The following GRIK4 variants were observed in gnomAD, a reference collection of about 807,000 sequenced individuals.
The protein encoded by GRIK4 is glutamate receptor ionotropic, kainate 4.
Under a neutral mutation model 104.9 loss-of-function variants are expected in GRIK4, and 40 were observed. The observed-to-expected ratio is 0.38, with a 90% confidence interval of 0.30 to 0.50. The LOEUF (loss-of-function observed/expected upper bound fraction) is 0.50. GRIK4 is among the 20% of genes least tolerant of loss of function. The pLI, the probability that GRIK4 is intolerant of heterozygous loss-of-function variation, is 0.93. For missense variants in GRIK4, 1,047 were observed against 1,308.1 expected (o/e 0.80, Z 3.08); for synonymous variants, 485 against 524.9 (o/e 0.92, Z 1.04).
intron 18 of GRIK4, among the ~76,000 whole-genome samples, chr11:120,966,606 A>G (rs1944388097): frequency 6.6e-6 from 1 of 152,182 alleles, no homozygotes; most frequent in African/African-American, 2.4e-5. Context: ...TTCTTGCCTC[A>G]AGTGATCCGC....
At chr11:120,927,154 AC>A (rs776166991) in intron 13 of GRIK4, among the ~76,000 whole-genome samples, 22 of 150,182 alleles carry the variant, frequency 1.5e-4, no homozygotes, top group Non-Finnish European at 2.5e-4. Context: ...CGTATCACCA[AC>A]GCCTGGTGGG....
Position 120,940,554 on chromosome 11 carries a change from T to C in GRIK4, c.1590+94T>C. ...GAATAATGAATGACTCATGGAAATA[T>C]TTAGATTTCAAGACTTAAATGCAAA... On this transcript the variant is annotated intron_variant, in intron 14 of 20. Transcript: ENST00000527524. The surrounding 1 kb of genome is among the most constrained non-coding windows in gnomAD (Gnocchi z 4.3). 1 of 749,352 alleles carries C rather than the reference T, an allele frequency of 1.3e-6. No individual in the cohort carries two copies. The highest frequency in any genetic ancestry group is 1.8e-5 in the South Asian group (1 of 55,336). The allele number at this position is 749,352 out of a possible 1,614,324, so 46.4% of individuals were successfully genotyped here.
chr11:120,525,252 A>G (rs918624795), intron 1 of GRIK4, among the ~76,000 whole-genome samples: 3 of 152,176 alleles, frequency 2.0e-5, no homozygotes, highest in African/African-American at 7.2e-5. Context: ...AAGTGAGGGC[A>G]TTGAGGTTCA....
intron 1 of GRIK4, among the ~76,000 whole-genome samples, chr11:120,517,010 C>T (rs1358749080): frequency 2.3e-5 from 3 of 129,832 alleles, no homozygotes; most frequent in Admixed American, 2.2e-4. Context: ...AGGCATCTCG[C>T]GTGCCTCAGT....
At chr11:120,751,385 A>T (rs1951548361) in intron 3 of GRIK4, among the ~76,000 whole-genome samples, 2 of 152,348 alleles carry the variant, frequency 1.3e-5, no homozygotes, top group East Asian at 1.9e-4. Flanking sequence ...CCCAATTTGC[A>T]TCTCATCTGG....
At chr11:120,841,185 AT>A (rs1953705188) in intron 8 of GRIK4, among the ~76,000 whole-genome samples, 1 of 152,120 alleles carries the variant, frequency 6.6e-6, no homozygotes, top group South Asian at 2.1e-4. Context: ...CCACATTGTT[AT>A]GCAACCACCA....
chr11:120,988,315 A>G lies in GRIK4; in HGVS notation c.*2055A>G, dbSNP rs1236778146. 6.6e-6 allele frequency: 1 copy of G among 152,216 alleles called. No individual in the cohort carries two copies. The highest frequency in any genetic ancestry group is 2.4e-5 in the African/African-American group (1 of 41,420). The allele number at this position is 152,216 out of a possible 1,614,324, so 9.4% of individuals were successfully genotyped here. A position where few individuals can be genotyped will look rare whatever the true frequency, so the allele number is the denominator to read the frequency against. ...GAAGGGCACCCGAAGGCCAGCTGACAACAAACCCCAATGGTGCCACTCTGC... is the reference window on the plus strand; with the variant it reads ...GAAGGGCACCCGAAGGCCAGCTGACGACAAACCCCAATGGTGCCACTCTGC... On this transcript the variant is annotated 3_prime_UTR_variant, in exon 21 of 21. Coordinates refer to ENST00000527524, the MANE Select transcript of GRIK4 (RefSeq NM_014619.5).
chr11:120,603,660 C>T (rs1948916782), intron 1 of GRIK4, among the ~76,000 whole-genome samples: 2 of 152,210 alleles, frequency 1.3e-5, no homozygotes, highest in African/African-American at 4.8e-5. Flanking sequence ...GGGCATAGGG[C>T]CCAGGGCTTG....
At position 120,967,231 on chromosome 11, in the gene GRIK4, T is replaced by C; in HGVS notation, c.2303T>C (p.Leu768Pro). Residue 768 changes from leucine to proline, a missense_variant, in exon 19 of 21, where the codon CTC (leucine) becomes CCC (proline). By Grantham distance (98) the Leu-to-Pro change is moderately conservative (BLOSUM62 -3). Transcript: ENST00000527524. The surrounding 1 kb of genome is among the most constrained non-coding windows in gnomAD (Gnocchi z 4.2). The part of the protein sequence containing the change: ...VFRDEFDLAI[L>P]QLQENNRLEI... ...CGGGACGAGTTTGATCTGGCCATTC[T>C]CCAGCTGCAGGAGAACAACCGCCTG... 6.2e-7 allele frequency: 1 copy of C among 1,613,774 alleles called. No homozygotes were observed. Among genetic ancestry groups the C allele is most frequent in the South Asian group, 1.1e-5 (1 of 91,028 alleles).
At chr11:120,787,141 G>T (rs1033571502) in intron 3 of GRIK4, among the ~76,000 whole-genome samples, 1 of 141,370 alleles carries the variant, frequency 7.1e-6, no homozygotes, top group African/African-American at 2.8e-5. Flanking sequence ...AACATAGTAG[G>T]ACTCTTTTTT....
rs114563001 is a variant in GRIK4, at chr11:120,596,168, G to A, written c.-158-57517G>A. On this transcript the variant is annotated intron_variant, in intron 1 of 20. Coordinates refer to ENST00000527524, the MANE Select transcript of GRIK4 (RefSeq NM_014619.5). Reference sequence around the variant, plus strand: ...ACCGGGATGGCTTTTTTAAGTCACCGTATCCCTAGCATGCAGCCTGTAGTA... The same window carrying A: ...ACCGGGATGGCTTTTTTAAGTCACCATATCCCTAGCATGCAGCCTGTAGTA... Among the ~76,000 whole-genome samples, 529 of 152,290 alleles carry A rather than the reference G, an allele frequency of 3.5e-3. 1 individual carries two copies. Among genetic ancestry groups the A allele is most frequent in the African/African-American group, 0.012 (487 of 41,562 alleles).
At chr11:120,618,331 A>T (rs1241499715) in intron 1 of GRIK4, among the ~76,000 whole-genome samples, 1 of 152,212 alleles carries the variant, frequency 6.6e-6, no homozygotes, top group African/African-American at 2.4e-5. Context: ...TCCTATGCTC[A>T]TATGTATGGG....
At chr11:120,799,348 A>G (rs535734928) in intron 3 of GRIK4, among the ~76,000 whole-genome samples, 17 of 152,118 alleles carry the variant, frequency 1.1e-4, no homozygotes, top group African/African-American at 4.1e-4. Context: ...GTTACCTGAG[A>G]GAGTTTTCAG....
intron 1 of GRIK4, among the ~76,000 whole-genome samples, chr11:120,642,063 T>A (rs1355764905): frequency 6.6e-6 from 1 of 152,188 alleles, no homozygotes; most frequent in Non-Finnish European, 1.5e-5. Context: ...CCACTTTGTA[T>A]TGGGATTTGA....
intron 3 of GRIK4, among the ~76,000 whole-genome samples, chr11:120,757,652 A>T (rs928446032): frequency 6.6e-6 from 1 of 152,144 alleles, no homozygotes; most frequent in Non-Finnish European, 1.5e-5. Flanking sequence ...TGGATTTCAA[A>T]ATAGGGCTTG....
chr11:120,622,856 T>C (rs1949206645), intron 1 of GRIK4, among the ~76,000 whole-genome samples: 1 of 152,246 alleles, frequency 6.6e-6, no homozygotes, highest in Non-Finnish European at 1.5e-5. Flanking sequence ...TCTGTGTGTC[T>C]GTCCTACGGA....
chr11:120,630,036 C>T (rs1168535593), intron 1 of GRIK4, among the ~76,000 whole-genome samples: 3 of 152,206 alleles, frequency 2.0e-5, no homozygotes, highest in Non-Finnish European at 4.4e-5. Context: ...GCACTGTGGA[C>T]ACCACTCAGG....
chr11:120,675,003 T>G (rs1950076653), intron 3 of GRIK4, among the ~76,000 whole-genome samples: 1 of 152,230 alleles, frequency 6.6e-6, no homozygotes, highest in African/African-American at 2.4e-5. Flanking sequence ...AAAAGGGCCT[T>G]TATCTGGAAA....
intron 3 of GRIK4, among the ~76,000 whole-genome samples, chr11:120,678,590 A>G (rs1297674221): frequency 2.6e-5 from 4 of 151,446 alleles, no homozygotes; most frequent in South Asian, 2.1e-4. Context: ...TGGTGGTCCT[A>G]TAGACCAGGC....
Sources: gnomAD v4.1 joint callset for allele counts (sites outside exome capture counted in the v4.1 genomes callset) on GRCh38, gnomAD v4.1.1 for gene constraint, Gnocchi (gnomAD v3.1) non-coding constraint, MANE v1.5 for transcripts, NCBI Gene and HGNC (gene_info 2026-07-23, HGNC 2026-07-21) for gene names.